Variants in ERCC2 observed in about 807,000 individuals in gnomAD.
ERCC2 encodes the protein ERCC excision repair 2, TFIIH core complex helicase subunit.
ERCC2 carries 90 observed loss-of-function variants against 99.4 expected under a neutral mutation model. The ratio of observed to expected loss-of-function variants is 0.91; its 90% CI spans 0.76 to 1.08. The LOEUF (loss-of-function observed/expected upper bound fraction) is 1.08. Ranked by LOEUF, ERCC2 falls within the 50% of genes least tolerant of loss-of-function variation. ERCC2 has a pLI of 0.00. For missense variants in ERCC2, 993 were observed against 1,038.1 expected (o/e 0.96, Z 0.60); for synonymous variants, 497 against 432.4 (o/e 1.15, Z -1.85).
At chr19:45,359,432 G>C (rs2123262912) in intron 12 of ERCC2, among the ~76,000 whole-genome samples, 1 of 152,280 alleles carries the variant, frequency 6.6e-6, no homozygotes, top group East Asian at 1.9e-4. Flanking sequence ...CAGGACATGA[G>C]GCCCGATCTG....
chr19:45,353,608 G>A (rs1007034243), intron 17 of ERCC2, among the ~76,000 whole-genome samples: 1 of 152,202 alleles, frequency 6.6e-6, no homozygotes, highest in East Asian at 1.9e-4. Flanking sequence ...ATTGGTGGAG[G>A]GGCTGACTGT....
At chr19:45,359,673 T>C (rs1972141534) in intron 12 of ERCC2, among the ~76,000 whole-genome samples, 1 of 152,026 alleles carries the variant, frequency 6.6e-6, no homozygotes, top group African/African-American at 2.4e-5. Flanking sequence ...CTCCAAACCA[T>C]ACCTTTCTCT....
At chr19:45,370,290 C>G (rs1972563596) in intron 1 of ERCC2, 58 bp from the exon 2 acceptor site, 1 of 1,595,534 alleles carries the variant, frequency 6.3e-7, no homozygotes, top group South Asian at 1.1e-5. Flanking sequence ...CCCGCCTCCA[C>G]AGTGCCCGGT....
At position 45,369,068 on chromosome 19, in the gene ERCC2, ACTCT is replaced by A; in HGVS notation, c.181_183+1del. The A allele has an allele frequency of 6.2e-7, 1 of 1,613,176 alleles. No individual in the cohort carries two copies. Among genetic ancestry groups the A allele is most frequent in the Non-Finnish European group, 8.5e-7 (1 of 1,179,766 alleles). ...CCTTTACGGGTTCAGCGCATCACTC[ACTCT>A]CTGGTATGCCATGATCAGGGCCAAC... On this transcript the variant is annotated splice_donor_variant and coding_sequence_variant, in exon 3 of 23. Transcript: ENST00000391945. LOFTEE classifies it high-confidence loss of function.
At chr19:45,357,957 C>A in intron 12 of ERCC2, 1 of 565,822 alleles carries the variant, frequency 1.8e-6, no homozygotes, top group South Asian at 2.0e-5. Flanking sequence ...ACAGCCCCGC[C>A]CACTGCTCAC....
chr19:45,354,797 T>C lies in ERCC2; in HGVS notation c.1598A>G (p.Asp533Gly). 1 of 1,614,096 alleles carries C rather than the reference T, an allele frequency of 6.2e-7. No homozygotes were observed. The change falls in exon 17 of 23, where the codon GAT becomes GGT. Residue 533 changes from aspartate (D) to glycine (G), a missense_variant. This residue lies in a region of ERCC2 where 909 missense variants were observed against 930.8 expected (regional missense o/e 0.98). Transcript: ENST00000391945. The part of the protein sequence containing the change: ...LLLEMSAVVP[D>G]GIVAFFTSYQ... The stretch of plus-strand genomic sequence containing the variant: ...GCTGGTGAAGAAGGCCACGATGCCA[T>C]CAGGGACCACAGCGGACATCTCCAG...
intron 17 of ERCC2, among the ~76,000 whole-genome samples, chr19:45,353,681 A>G (rs1971911013): frequency 6.6e-6 from 1 of 152,180 alleles, no homozygotes; most frequent in Admixed American, 6.5e-5. Flanking sequence ...CAATAGAGAC[A>G]GTGTGGAGCC....
chr19:45,370,013 G>T, intron 2 of ERCC2, 120 bp downstream of exon 2: 1 of 853,176 alleles, frequency 1.2e-6, no homozygotes, highest in South Asian at 1.5e-5. Context: ...GAAGATTATG[G>T]GGTCCTGGAT....
chr19:45,359,895 C>T (rs1972151149), intron 12 of ERCC2, among the ~76,000 whole-genome samples: 1 of 151,784 alleles, frequency 6.6e-6, no homozygotes, highest in African/African-American at 2.4e-5. Flanking sequence ...CTGTCTCAGG[C>T]TCCTGAGTAG....
At position 45,357,588 on chromosome 19, in the gene ERCC2, C is replaced by T. The variant is rs371388329; in HGVS notation, c.1307+42G>A. ...GTGAGGGCCCGGGGGGCTGGGCCCCCGACCCACAGAGCATTCACACCCTCA... is the reference window on the plus strand; with the variant it reads ...GTGAGGGCCCGGGGGGCTGGGCCCCTGACCCACAGAGCATTCACACCCTCA... On this transcript the variant is annotated intron_variant, in intron 13 of 22. Transcript: ENST00000391945. 6.9e-5 allele frequency: 111 copies of T among 1,613,720 alleles called. 1 individual carries two copies. The highest frequency in any genetic ancestry group is 2.2e-4 in the East Asian group (10 of 44,888).
Position 45,351,311 on chromosome 19 carries a change from CCCCTCGGA to C in ERCC2, c.*310_*317del, listed in dbSNP as rs1466512091. 6.2e-7 allele frequency: 1 copy of C among 1,612,406 alleles called. No homozygotes were observed. Among genetic ancestry groups the C allele is most frequent in the African/African-American group, 1.3e-5 (1 of 74,890 alleles). ...TTTCCCAGCTGGCACCTGGACAAGG[CCCCTCGGA>C]CCCTCAGCGCCAGCACCCAGGACCT... On this transcript the variant is annotated 3_prime_UTR_variant, in exon 23 of 23. Coordinates refer to ENST00000391945, the MANE Select transcript of ERCC2 (RefSeq NM_000400.4).
intron 15 of ERCC2, 38 bp from the exon 16 acceptor site, chr19:45,355,766 G>T: frequency 1.9e-6 from 3 of 1,568,740 alleles, no homozygotes; most frequent in Non-Finnish European, 2.6e-6. Flanking sequence ...CGAGGCAGCA[G>T]CAACTGCTCC....
At chr19:45,367,337 A>G (rs1192998207) in intron 5 of ERCC2, among the ~76,000 whole-genome samples, 3 of 140,140 alleles carry the variant, frequency 2.1e-5, no homozygotes, top group Non-Finnish European at 4.5e-5. Flanking sequence ...TCCGTCTCAA[A>G]AACAAAACAA....
chr19:45,368,810 G>T, intron 4 of ERCC2, 67 bp from the exon 5 acceptor site: 1 of 1,553,580 alleles, frequency 6.4e-7, no homozygotes, highest in Non-Finnish European at 8.9e-7. Flanking sequence ...GCCCTGCCAG[G>T]TCCCAGTCTC....
chr19:45,355,174 T>C (rs979971515), intron 16 of ERCC2, among the ~76,000 whole-genome samples: 9 of 152,180 alleles, frequency 5.9e-5, no homozygotes, highest in African/African-American at 2.2e-4. Context: ...CTGGCCAACA[T>C]GGCGAAACCC....
intron 12 of ERCC2, among the ~76,000 whole-genome samples, chr19:45,359,780 CTT>C (rs552351088): frequency 7.7e-5 from 11 of 142,300 alleles, no homozygotes; most frequent in Non-Finnish European, 1.1e-4. Flanking sequence ...CAGAAGAACT[CTT>C]TTTTTTTTTT....
chr19:45,359,749 T>A (rs963410827), intron 12 of ERCC2, among the ~76,000 whole-genome samples: 4 of 148,846 alleles, frequency 2.7e-5, no homozygotes, highest in Non-Finnish European at 5.9e-5. Context: ...TGCCACCCAG[T>A]CTCCTGCCTC....
intron 11 of ERCC2, chr19:45,362,014 CT>C (rs1474168095): frequency 7.9e-6 from 2 of 252,720 alleles, no homozygotes; most frequent in Non-Finnish European, 1.6e-5. Flanking sequence ...TCGACTCCGC[CT>C]CCTGGGTTCA....
intron 17 of ERCC2, among the ~76,000 whole-genome samples, chr19:45,353,927 T>C (rs1350203154): frequency 6.6e-6 from 1 of 152,252 alleles, no homozygotes; most frequent in Non-Finnish European, 1.5e-5. Flanking sequence ...CCTCTCTCTA[T>C]GACCTTGGGG....
Sources: gnomAD v4.1 joint callset for allele counts (sites outside exome capture counted in the v4.1 genomes callset) on GRCh38, gnomAD v4.1.1 for gene constraint, gnomAD v4.1.1 regional missense constraint, MANE v1.5 for transcripts, NCBI Gene and HGNC (gene_info 2026-07-23, HGNC 2026-07-21) for gene names.